MAST4: variants seen among roughly 807,000 people sequenced by gnomAD.
MAST4 encodes microtubule-associated serine/threonine-protein kinase 4.
In MAST4, 89 loss-of-function variants were observed where a neutral mutation model predicts 162.7. The observed-to-expected ratio is 0.55, with a 90% CI of 0.46 to 0.65. MAST4 has a LOEUF of 0.65. Among genes scored for constraint, MAST4 ranks in the 30% least tolerant of loss-of-function variants. The pLI is 0.00. For missense variants in MAST4, 3,153 were observed against 3,374.0 expected (o/e 0.93, Z 1.62); for synonymous variants, 1,479 against 1,361.1 (o/e 1.09, Z -1.91).
At chr5:66,775,020 TG>T (rs1754526000) in intron 2 of MAST4, among the ~76,000 whole-genome samples, 2 of 148,048 alleles carry the variant, frequency 1.4e-5, no homozygotes, top group African/African-American at 2.5e-5. Flanking sequence ...TGTGTGTGTG[TG>T]TGTGTGTGTG....
chr5:67,094,854 G>A (rs1044839407), intron 6 of MAST4, among the ~76,000 whole-genome samples: 4 of 152,054 alleles, frequency 2.6e-5, no homozygotes, highest in African/African-American at 7.2e-5. Context: ...TGCCTCTAAG[G>A]CTGAGGCAAA....
intron 3 of MAST4, among the ~76,000 whole-genome samples, chr5:66,882,911 C>A (rs150250850): frequency 6.6e-6 from 1 of 152,220 alleles, no homozygotes; most frequent in South Asian, 2.1e-4. Context: ...TGAAAAATTA[C>A]CGATACAAGA....
In MAST4 at chr5:66,883,967, G is replaced by A. The variant is rs182785550; in HGVS notation, c.643-15984G>A. ...AAGGGACACTTTATTGAATTACATC[G>A]TAAGCCACCTGCCTCTTTCATCGTA... On this transcript the variant is annotated intron_variant, in intron 3 of 28. Transcript: ENST00000403625. 1.4e-4 allele frequency among the ~76,000 whole-genome samples: 22 copies of A among 152,166 alleles called. No homozygotes were observed. The East Asian group carries it at 3.1e-3, about 21-fold the overall frequency.
chr5:67,026,482 G>T (rs183863829), intron 4 of MAST4, among the ~76,000 whole-genome samples: 1 of 152,310 alleles, frequency 6.6e-6, no homozygotes, highest in East Asian at 1.9e-4. Context: ...TTGTCTATCT[G>T]CTGGTGAAAT....
At chr5:67,013,239 A>G (rs1455156431) in intron 4 of MAST4, among the ~76,000 whole-genome samples, 1 of 152,238 alleles carries the variant, frequency 6.6e-6, no homozygotes, top group African/African-American at 2.4e-5. Context: ...TTAGCTGTTC[A>G]AAGTAAGTAC....
At chr5:66,748,803 A>G (rs184354120) in intron 1 of MAST4, among the ~76,000 whole-genome samples, 91 of 151,928 alleles carry the variant, frequency 6.0e-4, no homozygotes, top group Middle Eastern at 3.4e-3. Flanking sequence ...CATTTCTTAC[A>G]GTATCATTAA....
chr5:66,704,150 C>A (rs562032385), intron 1 of MAST4, among the ~76,000 whole-genome samples: 1 of 152,224 alleles, frequency 6.6e-6, no homozygotes, highest in East Asian at 1.9e-4. Context: ...ATTTGTATCT[C>A]ATTTTATTAT....
chr5:66,788,664 C>T lies in MAST4; in HGVS notation c.518-6C>T. On this transcript the variant is annotated splice_polypyrimidine_tract_variant and splice_region_variant and intron_variant, in intron 2 of 28. Transcript: ENST00000403625. ...ACTTACATTTTCTTCTCTTTAACTC[C>T]AACAGGGAGGTACCTTCTTCCAAAC... The T allele has an allele frequency of 7.1e-7, 1 of 1,399,906 alleles. No homozygotes were observed. Among genetic ancestry groups the T allele is most frequent in the Non-Finnish European group, 9.6e-7 (1 of 1,044,532 alleles). 86.7% of individuals were successfully genotyped at this position (1,399,906 alleles called of 1,614,324 possible).
At chr5:66,682,707 A>G (rs1402157031) in intron 1 of MAST4, among the ~76,000 whole-genome samples, 1 of 152,214 alleles carries the variant, frequency 6.6e-6, no homozygotes, top group Non-Finnish European at 1.5e-5. Flanking sequence ...GTGAAGGGGT[A>G]GGGAACAAAT....
At position 67,164,645 on chromosome 5, in the gene MAST4, C is replaced by A; in HGVS notation, c.5466C>A (p.Ser1822=). ...GPQASKTELP[S]PESAQSPSPS... ...AGGCCTCCAAGACAGAACTGCCTTC[C>A]CCAGAGTCTGCACAGAGCCCCAGCC... Residue 1822 remains serine (S), a synonymous_variant, in exon 29 of 29, where the codon TCC becomes TCA. Transcript: ENST00000403625. This position sits in a 1 kb window ranked among gnomAD's most constrained non-coding sequence, Gnocchi z 5.3. The A allele has an allele frequency of 6.2e-7, 1 of 1,613,994 alleles. No homozygotes were observed. Among genetic ancestry groups the A allele is most frequent in the Non-Finnish European group, 8.5e-7 (1 of 1,179,896 alleles).
intron 3 of MAST4, among the ~76,000 whole-genome samples, chr5:66,839,674 C>T (rs1049781967): frequency 2.0e-4 from 30 of 151,920 alleles, no homozygotes; most frequent in African/African-American, 7.0e-4. Context: ...CAGAATGAAA[C>T]ATCTCAAACT....
At chr5:66,934,047 A>G (rs1742454197) in intron 4 of MAST4, among the ~76,000 whole-genome samples, 1 of 152,126 alleles carries the variant, frequency 6.6e-6, no homozygotes, top group Non-Finnish European at 1.5e-5. Context: ...TGTGTTTAAC[A>G]GTTTTTCTGC....
chr5:66,999,786 A>G (rs112286217), intron 4 of MAST4, among the ~76,000 whole-genome samples: 5 of 151,510 alleles, frequency 3.3e-5, no homozygotes, highest in Non-Finnish European at 7.4e-5. Flanking sequence ...ACCTTGTGGC[A>G]TTATTTTAAA....
At chr5:66,913,244 C>G (rs796906859) in intron 4 of MAST4, among the ~76,000 whole-genome samples, 7 of 152,292 alleles carry the variant, frequency 4.6e-5, no homozygotes, top group African/African-American at 1.7e-4. Context: ...CCATCTCCCC[C>G]AGAAGTTTTC....
At chr5:66,629,847 C>T (rs758041197) in intron 1 of MAST4, among the ~76,000 whole-genome samples, 3 of 152,122 alleles carry the variant, frequency 2.0e-5, no homozygotes, top group East Asian at 1.9e-4. Context: ...GTTTTATTAT[C>T]GCTTCTTGGC....
At chr5:66,847,975 A>G (rs1580638495) in intron 3 of MAST4, among the ~76,000 whole-genome samples, 1 of 152,270 alleles carries the variant, frequency 6.6e-6, no homozygotes, top group Non-Finnish European at 1.5e-5. Flanking sequence ...CTGTAAGGCC[A>G]CTGGATCAAA....
chr5:66,684,076 G>A (rs1440239694), intron 1 of MAST4, among the ~76,000 whole-genome samples: 3 of 152,288 alleles, frequency 2.0e-5, no homozygotes, highest in East Asian at 1.9e-4. Context: ...TAATGTGGCC[G>A]TCTATTTTAA....
chr5:67,051,200 A>T (rs1758140354), intron 4 of MAST4, among the ~76,000 whole-genome samples: 1 of 151,538 alleles, frequency 6.6e-6, no homozygotes, highest in Admixed American at 6.6e-5. Flanking sequence ...AAAAAAAACA[A>T]GGCAGAATTG....
intron 3 of MAST4, among the ~76,000 whole-genome samples, chr5:66,899,649 G>A (rs953038925): frequency 5.3e-5 from 8 of 151,946 alleles, no homozygotes; most frequent in African/African-American, 1.5e-4. Flanking sequence ...CAGATTTTCC[G>A]TATGCTCAGT....
Sources: gnomAD v4.1 joint callset for allele counts (sites outside exome capture counted in the v4.1 genomes callset) on GRCh38, gnomAD v4.1.1 for gene constraint, Gnocchi (gnomAD v3.1) non-coding constraint, MANE v1.5 for transcripts, NCBI Gene and HGNC (gene_info 2026-07-23, HGNC 2026-07-21) for gene names.